Variants in MAP1S observed in about 807,000 individuals in gnomAD.
MAP1S encodes the protein microtubule associated protein 1S.
MAP1S carries 27 observed loss-of-function variants against 60.9 expected under a neutral mutation model. The observed-to-expected ratio is 0.44, with a 90% CI of 0.33 to 0.61. The LOEUF (loss-of-function observed/expected upper bound fraction) is 0.61. MAP1S is among the 20% of genes least tolerant of loss of function. The pLI is 0.03. For missense variants in MAP1S, 1,608 were observed against 1,486.6 expected, an observed-to-expected ratio of 1.08 and a Z score of -1.34; for synonymous variants, 826 against 694.2, an observed-to-expected ratio of 1.19 and a Z score of -2.98.
At chr19:17,730,263 A>G (rs2145979738) in intron 5 of MAP1S, among the ~76,000 whole-genome samples, 1 of 152,242 alleles carries the variant, frequency 6.6e-6, no homozygotes, top group East Asian at 1.9e-4. Flanking sequence ...CCTATTGGCC[A>G]TTTGTCTGTC....
chr19:17,726,589 C>T lies in MAP1S; in HGVS notation c.1205C>T (p.Ser402Phe). 6.4e-7 allele frequency: 1 copy of T among 1,572,706 alleles called. No homozygotes were observed. Among genetic ancestry groups the T allele is most frequent in the Non-Finnish European group, 8.6e-7 (1 of 1,164,234 alleles). The change falls in exon 5 of 7, where the codon TCC becomes TTC. Residue 402 changes from serine to phenylalanine, a missense_variant. Transcript: ENST00000324096. ...RLDMYVLHPP[S>F]AGAERTLASV... Reference sequence around the variant, plus strand: ...GACATGTATGTGCTGCACCCGCCCTCCGCCGGCGCCGAGCGCACGCTGGCC... The same window carrying T: ...GACATGTATGTGCTGCACCCGCCCTTCGCCGGCGCCGAGCGCACGCTGGCC...
chr19:17,729,604 C>T (rs112506706), intron 5 of MAP1S, among the ~76,000 whole-genome samples: 1,775 of 152,192 alleles, frequency 0.012, 26 homozygotes, highest in African/African-American at 0.04. Flanking sequence ...CTCCTGGGTT[C>T]AAGCAACCCT....
chr19:17,733,673 A>G (rs1013249589), intron 6 of MAP1S, among the ~76,000 whole-genome samples: 74 of 152,210 alleles, frequency 4.9e-4, no homozygotes, highest in African/African-American at 1.5e-3. Context: ...TCATGGTTCT[A>G]TCCCTTCCCC....
At position 17,727,331 on chromosome 19, in the gene MAP1S, G is replaced by A. The variant is rs1020981856; in HGVS notation, c.1947G>A (p.Glu649=). The part of the protein sequence containing the change: ...PSPESHRSPA[E]GSERLSLSPL... ...CTGAGTCCCACCGGAGCCCCGCAGA[G>A]GGCAGCGAGCGGCTGTCGCTGAGCC... The change falls in exon 5 of 7, where the codon GAG becomes GAA. Residue 649 remains glutamate (E), a synonymous_variant. Coordinates refer to ENST00000324096, the MANE Select transcript of MAP1S (RefSeq NM_018174.6). The surrounding 1 kb of genome is among the most constrained non-coding windows in gnomAD (Gnocchi z 4.1). The A allele has an allele frequency of 2.5e-6, 4 of 1,590,958 alleles. No homozygotes were observed. The highest frequency in any genetic ancestry group is 3.4e-6 in the Non-Finnish European group (4 of 1,172,822).
chr19:17,733,519 C>T, intron 6 of MAP1S, 91 bp downstream of exon 6: 13 of 1,069,656 alleles, frequency 1.2e-5, no homozygotes, highest in Non-Finnish European at 1.7e-5. Flanking sequence ...GCTGTGTTCC[C>T]CAGGCCACAC....
rs1276218288 is a variant in MAP1S, at chr19:17,734,338, G to A, written c.3090G>A (p.Arg1030=). 10 of 1,613,894 alleles carry A rather than the reference G, an allele frequency of 6.2e-6. No homozygotes were observed. The highest frequency in any genetic ancestry group is 8.5e-6 in the Non-Finnish European group (10 of 1,179,974). The change falls in exon 7 of 7, where the codon CGG becomes CGA. Residue 1030 remains arginine (R), a synonymous_variant. Coordinates refer to ENST00000324096, the MANE Select transcript of MAP1S (RefSeq NM_018174.6). ...MHTWYAETHA[R]HQALGITVLG... ...CGTGGTACGCAGAGACGCACGCCCG[G>A]CACCAGGCGCTGGGCATCACGGTGT...
At chr19:17,720,406 G>A in intron 1 of MAP1S, 1 of 1,535,208 alleles carries the variant, frequency 6.5e-7, no homozygotes, top group South Asian at 1.2e-5. Flanking sequence ...CGGGATGATA[G>A]ACAGGTTCAG....
rs775037607 is a variant in MAP1S at position 17,720,941 on chromosome 19, C to T, written c.124C>T (p.Arg42Trp). Reference sequence around the variant, plus strand: ...TGATCCCTCCTTCCCACCAGGCATCCGGTCTTGGGATGTCGATCCTGGCGT... The same window carrying T: ...TGATCCCTCCTTCCCACCAGGCATCTGGTCTTGGGATGTCGATCCTGGCGT... Reference protein sequence around the residue: ...YVLEELERGIRSWDVDPGVCN... With the variant: ...YVLEELERGIWSWDVDPGVCN... Residue 42 changes from arginine to tryptophan, a missense_variant, in exon 2 of 7, where the codon CGG (arginine) becomes TGG (tryptophan). Arg to Trp is a moderately radical substitution (Grantham distance 101, BLOSUM62 -3). Transcript: ENST00000324096. 4 of 1,613,404 alleles carry T rather than the reference C, an allele frequency of 2.5e-6. No homozygotes were observed. Among genetic ancestry groups the T allele is most frequent in the Admixed American group, 1.7e-5 (1 of 59,978 alleles).
rs756248611 is a variant in MAP1S, at chr19:17,726,048, T to C, written c.664T>C (p.Ser222Pro). ...EYVAESLEPP[S>P]PFELLEPPTS... is the part of the protein sequence containing the mutation. Reference sequence around the variant, plus strand: ...CGTGGCTGAGTCTCTGGAGCCACCGTCCCCCTTCGAGCTGCTGGAGCCCCC... The same window carrying C: ...CGTGGCTGAGTCTCTGGAGCCACCGCCCCCCTTCGAGCTGCTGGAGCCCCC... Residue 222 changes from serine (S) to proline (P), a missense_variant, in exon 5 of 7, where the codon TCC becomes CCC. This residue lies in a region of MAP1S where 320 missense variants were observed against 393.1 expected (regional missense o/e 0.81). Transcript: ENST00000324096. 6.2e-7 allele frequency: 1 copy of C among 1,613,080 alleles called. No homozygotes were observed. Among genetic ancestry groups the C allele is most frequent in the African/African-American group, 1.3e-5 (1 of 74,824 alleles).
chr19:17,734,254 ACC>A lies in MAP1S; in HGVS notation c.3025-13_3025-12del. The A allele has an allele frequency of 3.1e-6, 5 of 1,595,098 alleles. No individual in the cohort carries two copies. The highest frequency in any genetic ancestry group is 2.3e-5 in the East Asian group (1 of 44,118). On this transcript the variant is annotated splice_polypyrimidine_tract_variant and intron_variant, in intron 6 of 6. Transcript: ENST00000324096. ...CACTGGTGGTCCACTCTCCCCACACACCCCCCCTCCACCTGCAGGTGACCCTG... is the reference window on the plus strand; with the variant it reads ...CACTGGTGGTCCACTCTCCCCACACACCCCCTCCACCTGCAGGTGACCCTG...
At chr19:17,721,407 T>C in intron 2 of MAP1S, 1 of 342,780 alleles carries the variant, frequency 2.9e-6, no homozygotes, top group Non-Finnish European at 5.7e-6. Flanking sequence ...CCGGGCGCGG[T>C]GGCTTACGCC....
In MAP1S at chr19:17,726,206, T is replaced by C; in HGVS notation, c.822T>C (p.Ser274=). The change falls in exon 5 of 7, where the codon AGT becomes AGC. Residue 274 remains serine (S), a synonymous_variant. Coordinates refer to ENST00000324096, the MANE Select transcript of MAP1S (RefSeq NM_018174.6). ...LVNGGSNPKS[S]FWKLVRHLDR... is the part of the protein sequence containing the mutation. ...ACGGTGGCTCAAACCCCAAGTCCAGTTTCTGGAAGCTGGTGCGGCACCTGG... is the reference window on the plus strand; with the variant it reads ...ACGGTGGCTCAAACCCCAAGTCCAGCTTCTGGAAGCTGGTGCGGCACCTGG... 3.1e-6 allele frequency: 5 copies of C among 1,611,610 alleles called. No homozygotes were observed. The highest frequency in any genetic ancestry group is 4.2e-6 in the Non-Finnish European group (5 of 1,179,092).
chr19:17,720,527 G>A (rs1261330189), intron 1 of MAP1S: 1 of 1,488,408 alleles, frequency 6.7e-7, no homozygotes, highest in East Asian at 2.5e-5. Flanking sequence ...AAGGGACTGA[G>A]AGGACAGTCA....
intron 3 of MAP1S, 49 bp downstream of exon 3, chr19:17,724,257 C>A: frequency 6.8e-7 from 1 of 1,461,892 alleles, no homozygotes; most frequent in Non-Finnish European, 9.6e-7. Flanking sequence ...GGGACCCGTG[C>A]CTTCTCTGTC....
At chr19:17,732,072 A>G (rs1390839798) in intron 5 of MAP1S, among the ~76,000 whole-genome samples, 3 of 152,274 alleles carry the variant, frequency 2.0e-5, no homozygotes, top group Non-Finnish European at 4.4e-5. Flanking sequence ...CTGGTCTTAT[A>G]AAATGAGTTA....
intron 5 of MAP1S, among the ~76,000 whole-genome samples, chr19:17,732,537 G>T (rs1326981227): frequency 6.6e-6 from 1 of 152,132 alleles, no homozygotes; most frequent in Admixed American, 6.6e-5. Flanking sequence ...CCAGCATCCC[G>T]CAGTGATCTT....
chr19:17,726,099 G>A lies in MAP1S; in HGVS notation c.715G>A (p.Gly239Ser), dbSNP rs1177404690. The change falls in exon 5 of 7, where the codon GGC becomes AGC. Residue 239 changes from glycine (G) to serine (S), a missense_variant. This residue lies in a region of MAP1S where 320 missense variants were observed against 393.1 expected (regional missense o/e 0.81). Transcript: ENST00000324096. ...PPTSGGFLRL[G>S]RPCCYIFPGG... Reference sequence around the variant, plus strand: ...GACCTCCGGGGGCTTCCTCAGGCTGGGCCGGCCCTGCTGCTACATCTTCCC... The same window carrying A: ...GACCTCCGGGGGCTTCCTCAGGCTGAGCCGGCCCTGCTGCTACATCTTCCC... 4.3e-6 allele frequency: 7 copies of A among 1,613,782 alleles called. No homozygotes were observed. The highest frequency in any genetic ancestry group is 5.9e-6 in the Non-Finnish European group (7 of 1,179,950).
chr19:17,720,930 C>T lies in MAP1S; in HGVS notation c.119-6C>T. 1.2e-6 allele frequency: 2 copies of T among 1,611,120 alleles called. No homozygotes were observed. Among genetic ancestry groups the T allele is most frequent in the Non-Finnish European group, 1.7e-6 (2 of 1,177,320 alleles). On this transcript the variant is annotated splice_polypyrimidine_tract_variant and splice_region_variant and intron_variant, in intron 1 of 6. Coordinates refer to ENST00000324096, the MANE Select transcript of MAP1S (RefSeq NM_018174.6). ...AACTCCCGCCTTGATCCCTCCTTCC[C>T]ACCAGGCATCCGGTCTTGGGATGTC... is the stretch of plus-strand genomic sequence containing the variant.
Position 17,726,844 on chromosome 19 carries a change from T to G in MAP1S, c.1460T>G (p.Leu487Arg). ...CGGGACAGCTCGAAGAGAGAGGGCC[T>G]CCTGGCCACCCACCCTAGACCTGGC... The part of the protein sequence containing the change: ...GSRDSSKREG[L>R]LATHPRPGQE... Residue 487 changes from leucine (L) to arginine (R), a missense_variant, in exon 5 of 7, where the codon CTC (leucine) becomes CGC (arginine). This residue lies in a region of MAP1S where 1,167 missense variants were observed against 961.4 expected (regional missense o/e 1.21). Transcript: ENST00000324096. 6.4e-7 allele frequency: 1 copy of G among 1,554,380 alleles called. No individual in the cohort carries two copies. The highest frequency in any genetic ancestry group is 8.7e-7 in the Non-Finnish European group (1 of 1,149,634).
Sources: allele counts gnomAD v4.1 joint callset (sites outside exome capture counted in the v4.1 genomes callset), GRCh38; gene constraint gnomAD v4.1.1; regional missense constraint gnomAD v4.1.1; non-coding constraint Gnocchi (gnomAD v3.1); transcripts MANE v1.5; gene names NCBI Gene and HGNC (gene_info 2026-07-23, HGNC 2026-07-21).